CDCA2: variants seen among roughly 807,000 people sequenced by gnomAD.
CDCA2 encodes cell division cycle associated 2.
CDCA2 carries 44 observed loss-of-function variants against 67.0 expected under a neutral mutation model. The observed-to-expected ratio is 0.66, with a 90% confidence interval of 0.52 to 0.84. The LOEUF is 0.84. Among genes scored for constraint, CDCA2 ranks in the 40% least tolerant of loss-of-function variants. The pLI, the probability that CDCA2 is intolerant of heterozygous loss-of-function variation, is 0.00. For synonymous variants in CDCA2, 447 were observed against 418.7 expected, an observed-to-expected ratio of 1.07 and a Z score of -0.82; for missense variants, 1,253 against 1,203.2, an observed-to-expected ratio of 1.04 and a Z score of -0.61.
In CDCA2 at chr8:25,479,837, A is replaced by G. The variant is rs538287668; in HGVS notation, c.821-76A>G. On this transcript the variant is annotated intron_variant, in intron 7 of 14. Coordinates refer to ENST00000330560, the MANE Select transcript of CDCA2 (RefSeq NM_152562.4). ...TTCATAGCATGTTATTATCTTTGCA[A>G]ATACTATATTTTTGGTCTAGAACAA... 6 of 1,349,740 alleles carry G rather than the reference A, an allele frequency of 4.4e-6. No homozygotes were observed. The African/African-American group carries it at 7.2e-5, about 16-fold the overall frequency. 83.6% of individuals were successfully genotyped at this position (1,349,740 alleles called of 1,614,324 possible).
At position 25,503,537 on chromosome 8, in the gene CDCA2, G is replaced by A. The variant is rs757518380; in HGVS notation, c.1836G>A (p.Leu612=). ...CTTCCATTCCGAGCATCCGAAGACT[G>A]GGTTCAGGTATCCTGACATTTTCCT... The part of the protein sequence containing the change: ...MTPSIPSIRR[L]GSGYFSSNGK... Residue 612 remains leucine (L), a synonymous_variant, in exon 14 of 15, where the codon CTG becomes CTA. Transcript: ENST00000330560. 2 of 1,603,906 alleles carry A rather than the reference G, an allele frequency of 1.2e-6. No individual in the cohort carries two copies. Among genetic ancestry groups the A allele is most frequent in the Middle Eastern group, 1.7e-4 (1 of 5,984 alleles).
chr8:25,500,146 G>A (rs920950496), intron 13 of CDCA2, among the ~76,000 whole-genome samples: 1 of 151,570 alleles, frequency 6.6e-6, no homozygotes, highest in Non-Finnish European at 1.5e-5. Flanking sequence ...GTACTTCTTT[G>A]ACCATTCATT....
intron 5 of CDCA2, 87 bp from the exon 6 acceptor site, chr8:25,468,130 A>AAG (rs1802992058): frequency 1.2e-5 from 6 of 513,208 alleles, no homozygotes; most frequent in Non-Finnish European, 1.6e-5. Context: ...AAAAAAAAAA[A>AAG]AAAAAAAAAG....
Position 25,472,188 on chromosome 8 carries a change from T to G in CDCA2, c.820+2208T>G, listed in dbSNP as rs1208773972. On this transcript the variant is annotated intron_variant, in intron 7 of 14. Coordinates refer to ENST00000330560, the MANE Select transcript of CDCA2 (RefSeq NM_152562.4). ...GCCCCAGAGCTGCTAATATTTGGTA[T>G]GCTGATAGCCTCAATTTTTTTTTTT... The G allele has an allele frequency of 4.3e-5, 5 of 116,380 alleles. No individual in the cohort carries two copies. The Admixed American group carries it at 5.3e-4, about 12-fold the overall frequency. The allele number at this position is 116,380 out of a possible 1,614,324, so 7.2% of individuals were successfully genotyped here. A position where few individuals can be genotyped will look rare whatever the true frequency, so the allele number is the denominator to read the frequency against.
At chr8:25,472,979 G>A (rs1803217478) in intron 7 of CDCA2, among the ~76,000 whole-genome samples, 1 of 152,094 alleles carries the variant, frequency 6.6e-6, no homozygotes, top group Non-Finnish European at 1.5e-5. Context: ...CTGAAACCTT[G>A]TATTCTTTGA....
intron 14 of CDCA2, among the ~76,000 whole-genome samples, chr8:25,506,114 T>C (rs1035620174): frequency 1.4e-4 from 22 of 152,178 alleles, no homozygotes; most frequent in African/African-American, 4.8e-4. Context: ...GAGGATACAT[T>C]GGTAGAAAGT....
chr8:25,467,048 A>AAAAAC, intron 5 of CDCA2, among the ~76,000 whole-genome samples: 1 of 137,466 alleles, frequency 7.3e-6, no homozygotes, highest in Non-Finnish European at 1.6e-5. Flanking sequence ...TTTCAAAAAA[A>AAAAAC]AAAAAAAAAA....
At chr8:25,499,081 T>C (rs1804364192) in intron 13 of CDCA2, among the ~76,000 whole-genome samples, 1 of 152,120 alleles carries the variant, frequency 6.6e-6, no homozygotes, top group South Asian at 2.1e-4. Flanking sequence ...AAGTAGCTGA[T>C]GGGTACATGG....
chr8:25,487,120 G>T, intron 11 of CDCA2, 126 bp from the exon 12 acceptor site: 1 of 619,092 alleles, frequency 1.6e-6, no homozygotes, highest in Non-Finnish European at 2.8e-6. Context: ...CTGCTGCTTG[G>T]CTCCTCTTTT....
At chr8:25,468,516 G>A in intron 6 of CDCA2, 103 bp downstream of exon 6, 9 of 789,482 alleles carry the variant, frequency 1.1e-5, no homozygotes, top group Non-Finnish European at 1.8e-5. Context: ...ACCTTGTTCT[G>A]CCCTGTGGTT....
intron 1 of CDCA2, among the ~76,000 whole-genome samples, chr8:25,459,907 G>T (rs1389943771): frequency 1.3e-5 from 2 of 152,114 alleles, no homozygotes; most frequent in Non-Finnish European, 2.9e-5. Context: ...GCACAACAGG[G>T]TGGCGGTCCA....
intron 7 of CDCA2, among the ~76,000 whole-genome samples, chr8:25,478,888 G>GTGTATATATATATATATATATATA (rs1006353040): frequency 4.8e-4 from 53 of 111,548 alleles, no homozygotes; most frequent in African/African-American, 1.9e-3. Context: ...TTGTGTGTGT[G>GTGTATATATATATATATATATATA]TATATATATA....
At chr8:25,492,127 G>A (rs1051710210) in intron 13 of CDCA2, among the ~76,000 whole-genome samples, 5 of 134,460 alleles carry the variant, frequency 3.7e-5, no homozygotes, top group Admixed American at 7.3e-5. Flanking sequence ...TTGAAGCAGC[G>A]GGGGGTTGGG....
rs759959139 is a variant in CDCA2 at position 25,480,114 on chromosome 8, A to G, written c.1022A>G (p.Glu341Gly). The change falls in exon 8 of 15, where the codon GAG (glutamate) becomes GGG (glycine). Residue 341 changes from glutamate to glycine, a missense_variant. Glu to Gly is a moderately conservative substitution (Grantham distance 98). Coordinates refer to ENST00000330560, the MANE Select transcript of CDCA2 (RefSeq NM_152562.4). ...LKKPSVKMCLESLQEHCNNLY... is the reference protein window; with the variant it reads ...LKKPSVKMCLGSLQEHCNNLY... ...AAACCCTCTGTTAAGATGTGTCTAG[A>G]GAGCTTACAGGTAAGAAGAGAGTTA... 2 of 1,613,714 alleles carry G rather than the reference A, an allele frequency of 1.2e-6. No homozygotes were observed. The highest frequency in any genetic ancestry group is 2.2e-5 in the East Asian group (1 of 44,884).
chr8:25,506,658 A>G lies in CDCA2; in HGVS notation c.1992A>G (p.Lys664=). ...YDVSEFCSYI[K]SSSSLGNATS... ...TCTCTGAATTCTGCTCTTATATAAA[A>G]AGTTCCTCATCGCTTGGCAATGCTA... Residue 664 remains lysine, a synonymous_variant, in exon 15 of 15, where the codon AAA becomes AAG. Transcript: ENST00000330560. 1 of 1,613,578 alleles carries G rather than the reference A, an allele frequency of 6.2e-7. No homozygotes were observed. Among genetic ancestry groups the G allele is most frequent in the South Asian group, 1.1e-5 (1 of 90,818 alleles).
Position 25,507,170 on chromosome 8 carries a change from G to A in CDCA2, c.2504G>A (p.Cys835Tyr). The A allele has an allele frequency of 1.9e-6, 3 of 1,614,168 alleles. No individual in the cohort carries two copies. The highest frequency in any genetic ancestry group is 1.7e-6 in the Non-Finnish European group (2 of 1,180,032). The stretch of plus-strand genomic sequence containing the variant: ...AGGAAAGATAGAAGACGTTCCATGT[G>A]TTATTCTGATGGTCGAAGTTTACAT... ...RDRKDRRRSMCYSDGRSLHLE... is the reference protein window; with the variant it reads ...RDRKDRRRSMYYSDGRSLHLE... Residue 835 changes from cysteine to tyrosine, a missense_variant, in exon 15 of 15, where the codon TGT becomes TAT. Coordinates refer to ENST00000330560, the MANE Select transcript of CDCA2 (RefSeq NM_152562.4).
chr8:25,483,341 T>C, intron 8 of CDCA2, 58 bp from the exon 9 acceptor site: 3 of 1,127,340 alleles, frequency 2.7e-6, no homozygotes, highest in Non-Finnish European at 2.5e-6. Context: ...CTGTTCTTAA[T>C]GATGACGTCT....
intron 7 of CDCA2, among the ~76,000 whole-genome samples, chr8:25,475,716 C>G (rs1023633616): frequency 6.6e-6 from 1 of 152,184 alleles, no homozygotes; most frequent in East Asian, 1.9e-4. Flanking sequence ...GGAAGACCCA[C>G]TAACCATGTT....
intron 7 of CDCA2, among the ~76,000 whole-genome samples, chr8:25,471,262 T>C (rs1803141310): frequency 6.6e-6 from 1 of 152,220 alleles, no homozygotes; most frequent in South Asian, 2.1e-4. Context: ...ATAAGATAAA[T>C]GGGTGGATGT....
Sources: allele counts gnomAD v4.1 joint callset (sites outside exome capture counted in the v4.1 genomes callset), GRCh38; gene constraint gnomAD v4.1.1; transcripts MANE v1.5; gene names NCBI Gene and HGNC (gene_info 2026-07-23, HGNC 2026-07-21).